PRKN: variants seen among roughly 807,000 people sequenced by gnomAD.
PRKN encodes E3 ubiquitin-protein ligase parkin.
Under a neutral mutation model 59.5 loss-of-function variants are expected in PRKN, and 56 were observed. The observed-to-expected ratio is 0.94, with a 90% CI of 0.76 to 1.18. The LOEUF (loss-of-function observed/expected upper bound fraction) is 1.18. Among genes scored for constraint, PRKN ranks in the 50% most tolerant of loss-of-function variants. The probability of loss-of-function intolerance (pLI) is 0.00; values close to 1 mark genes in which losing one functional copy is unlikely to be tolerated. For synonymous variants in PRKN, 250 were observed against 222.1 expected, an observed-to-expected ratio of 1.13 and a Z score of -1.12; for missense variants, 657 against 596.4, an observed-to-expected ratio of 1.10 and a Z score of -1.06.
At chr6:162,534,176 T>C (rs1778624724) in intron 1 of PRKN, among the ~76,000 whole-genome samples, 1 of 152,146 alleles carries the variant, frequency 6.6e-6, no homozygotes, top group South Asian at 2.1e-4. Flanking sequence ...TGTTCAGATC[T>C]TATGTGATTC....
chr6:161,978,706 C>A (rs1463954435), intron 5 of PRKN, among the ~76,000 whole-genome samples: 5 of 152,270 alleles, frequency 3.3e-5, no homozygotes, highest in Non-Finnish European at 7.3e-5. Flanking sequence ...GTCACTGGGG[C>A]ATAGCAGGGC....
chr6:161,563,688 A>G (rs1275537846), intron 8 of PRKN, among the ~76,000 whole-genome samples: 1 of 152,214 alleles, frequency 6.6e-6, no homozygotes, highest in African/African-American at 2.4e-5. Context: ...ATCCAAATCT[A>G]AAAAATCAAG....
At chr6:161,703,077 G>T (rs1170710904) in intron 7 of PRKN, among the ~76,000 whole-genome samples, 1 of 151,236 alleles carries the variant, frequency 6.6e-6, no homozygotes, top group African/African-American at 2.4e-5. Context: ...TAAAAAGCAG[G>T]AGGATAGCTT....
At chr6:161,425,539 C>T (rs1021616215) in intron 9 of PRKN, among the ~76,000 whole-genome samples, 1 of 152,048 alleles carries the variant, frequency 6.6e-6, no homozygotes, top group Admixed American at 6.6e-5. Context: ...TCTCAAATGT[C>T]TCAGTTGTCC....
rs150894860 is a variant in PRKN at position 162,435,894 on chromosome 6, T to G, written c.171+7416A>C. Among the ~76,000 whole-genome samples, 550 of 152,286 alleles carry G rather than the reference T, an allele frequency of 3.6e-3. 6 individuals carry two copies. The highest frequency in any genetic ancestry group is 0.012 in the African/African-American group (512 of 41,566). On this transcript the variant is annotated intron_variant, in intron 2 of 11. Coordinates refer to ENST00000366898, the MANE Select transcript of PRKN (RefSeq NM_004562.3). ...TAATCAGTTAAAATAGGAACTATAT[T>G]GGTCATTTGCAGAATTCTTTTATAT...
chr6:162,069,892 A>G (rs532872440), intron 4 of PRKN, among the ~76,000 whole-genome samples: 38 of 152,338 alleles, frequency 2.5e-4, no homozygotes, highest in African/African-American at 7.2e-4. Context: ...AAAACTTTAT[A>G]TGGTATACAG....
At chr6:161,875,743 A>G (rs1211779145) in intron 6 of PRKN, among the ~76,000 whole-genome samples, 3 of 152,140 alleles carry the variant, frequency 2.0e-5, no homozygotes, top group Non-Finnish European at 4.4e-5. Flanking sequence ...AATGACTGTC[A>G]GCATTCACCT....
chr6:161,504,702 G>A (rs2115312743), intron 9 of PRKN, among the ~76,000 whole-genome samples: 1 of 125,118 alleles, frequency 8.0e-6, no homozygotes, highest in East Asian at 2.4e-4. Flanking sequence ...AGTCCCCAGA[G>A]TGTGATGTTC....
chr6:161,803,597 T>C (rs1042141400), intron 6 of PRKN, among the ~76,000 whole-genome samples: 1 of 152,122 alleles, frequency 6.6e-6, no homozygotes, highest in Non-Finnish European at 1.5e-5. Flanking sequence ...CCAGCTCAAC[T>C]CGGGTGGAGC....
At chr6:161,986,019 G>A (rs1040273939) in intron 5 of PRKN, among the ~76,000 whole-genome samples, 14 of 152,210 alleles carry the variant, frequency 9.2e-5, no homozygotes, top group African/African-American at 9.6e-5. Flanking sequence ...AATTATGTCC[G>A]GTGCCTAAGC....
At chr6:162,571,015 T>C (rs1780300347) in intron 1 of PRKN, among the ~76,000 whole-genome samples, 1 of 152,178 alleles carries the variant, frequency 6.6e-6, no homozygotes, top group Admixed American at 6.6e-5. Context: ...TTATTTCACA[T>C]TGCATGCCTG....
chr6:161,587,418 T>G (rs1781558132), intron 7 of PRKN, among the ~76,000 whole-genome samples: 1 of 152,198 alleles, frequency 6.6e-6, no homozygotes, highest in Non-Finnish European at 1.5e-5. Context: ...AACTTAAAAA[T>G]AAGGGCATCA....
chr6:162,352,323 G>A (rs1256358213), intron 2 of PRKN, among the ~76,000 whole-genome samples: 2 of 152,162 alleles, frequency 1.3e-5, no homozygotes, highest in African/African-American at 4.8e-5. Flanking sequence ...TTGTCACAAA[G>A]AACAAGGTGA....
intron 2 of PRKN, among the ~76,000 whole-genome samples, chr6:162,310,686 T>G (rs1425498341): frequency 6.6e-6 from 1 of 151,880 alleles, no homozygotes; most frequent in Non-Finnish European, 1.5e-5. Flanking sequence ...ATGGCACATG[T>G]ATACATATGT....
intron 2 of PRKN, among the ~76,000 whole-genome samples, chr6:162,357,101 C>A (rs1562697918): frequency 6.6e-6 from 1 of 151,934 alleles, no homozygotes; most frequent in African/African-American, 2.4e-5. Flanking sequence ...AGGCACAATC[C>A]ATGAAAGAAA....
Position 162,727,724 on chromosome 6 carries a change from G to GCCAGCCGCGCCTCCCA in PRKN, c.-72_-57dup. On this transcript the variant is annotated 5_prime_UTR_variant, in exon 1 of 12. Transcript: ENST00000366898. ...GGAACAGGCCCATGCGCGCAGCGGC[G>GCCAGCCGCGCCTCCCA]CCAGCCGCGCCTCCCACCAGCGGCT... 2.0e-6 allele frequency: 3 copies of GCCAGCCGCGCCTCCCA among 1,533,376 alleles called. No individual in the cohort carries two copies. The highest frequency in any genetic ancestry group is 2.6e-6 in the Non-Finnish European group (3 of 1,132,160). 95.0% of individuals were successfully genotyped at this position (1,533,376 alleles called of 1,614,324 possible). A position where few individuals can be genotyped will look rare whatever the true frequency, so the allele number is the denominator to read the frequency against.
At chr6:162,091,266 G>T (rs1180970604) in intron 4 of PRKN, among the ~76,000 whole-genome samples, 1 of 152,076 alleles carries the variant, frequency 6.6e-6, no homozygotes, top group African/African-American at 2.4e-5. Flanking sequence ...TAATAAAGAT[G>T]ATAGCTATTT....
At chr6:162,010,275 T>C (rs1165848947) in intron 5 of PRKN, among the ~76,000 whole-genome samples, 1 of 128,508 alleles carries the variant, frequency 7.8e-6, no homozygotes, top group Non-Finnish European at 1.6e-5. Flanking sequence ...ATATATATTA[T>C]GTATGATAAA....
chr6:161,520,345 C>T (rs1778774340), intron 9 of PRKN, among the ~76,000 whole-genome samples: 1 of 151,334 alleles, frequency 6.6e-6, no homozygotes, highest in Admixed American at 6.6e-5. Flanking sequence ...CTGCCTCAGT[C>T]TCCTAAGTAG....
Sources: allele counts gnomAD v4.1 joint callset (sites outside exome capture counted in the v4.1 genomes callset), GRCh38; gene constraint gnomAD v4.1.1; transcripts MANE v1.5; gene names NCBI Gene and HGNC (gene_info 2026-07-23, HGNC 2026-07-21).